ATRNL1: variants seen among roughly 807,000 people sequenced by gnomAD.
ATRNL1 encodes attractin-like protein 1.
In ATRNL1, 95 loss-of-function variants were observed where a neutral mutation model predicts 182.7. That is an observed-to-expected ratio of 0.52 (90% CI 0.44 to 0.62). The LOEUF (loss-of-function observed/expected upper bound fraction) is 0.62. Ranked by LOEUF, ATRNL1 falls within the 20% of genes least tolerant of loss-of-function variation. The probability of loss-of-function intolerance (pLI) is 0.00; values close to 1 mark genes in which losing one functional copy is unlikely to be tolerated. For synonymous variants in ATRNL1, 576 were observed against 568.3 expected (o/e 1.01, Z -0.19); for missense variants, 1,471 against 1,679.5 (o/e 0.88, Z 2.17).
At chr10:115,885,232 T>A (rs1565460708) in intron 28 of ATRNL1, among the ~76,000 whole-genome samples, 2 of 152,190 alleles carry the variant, frequency 1.3e-5, no homozygotes, top group Non-Finnish European at 2.9e-5. Context: ...CAGGTCTCAT[T>A]TGAAATTCCA....
At chr10:115,555,637 C>A (rs2784803) in intron 26 of ATRNL1, among the ~76,000 whole-genome samples, 44,270 of 151,670 alleles carry the variant, frequency 0.29, 7,645 homozygotes, top group East Asian at 0.68. Context: ...AAATAAAATC[C>A]CAGCCCTCAA....
At chr10:115,364,126 C>T (rs1376185599) in intron 19 of ATRNL1, among the ~76,000 whole-genome samples, 2 of 144,168 alleles carry the variant, frequency 1.4e-5, no homozygotes, top group Non-Finnish European at 3.1e-5. Flanking sequence ...GGCATTTTCA[C>T]GATATTGATT....
chr10:115,720,858 C>T (rs116719165), intron 26 of ATRNL1, among the ~76,000 whole-genome samples: 209 of 152,228 alleles, frequency 1.4e-3, no homozygotes, highest in African/African-American at 5.0e-3. Context: ...AGTAGTTTTG[C>T]TGGCTTTTAG....
At chr10:115,723,725 A>G (rs1422098661) in intron 26 of ATRNL1, among the ~76,000 whole-genome samples, 1 of 151,166 alleles carries the variant, frequency 6.6e-6, no homozygotes, top group Non-Finnish European at 1.5e-5. Flanking sequence ...ATTTATTTTT[A>G]TTTTTATTTT....
chr10:115,821,413 A>G (rs559152337), intron 27 of ATRNL1, among the ~76,000 whole-genome samples: 1 of 151,870 alleles, frequency 6.6e-6, no homozygotes, highest in East Asian at 1.9e-4. Flanking sequence ...TTTCCTTTCC[A>G]TTTTTAGTGC....
chr10:115,833,698 A>T (rs1462662046), intron 27 of ATRNL1, among the ~76,000 whole-genome samples: 1 of 152,182 alleles, frequency 6.6e-6, no homozygotes, highest in Non-Finnish European at 1.5e-5. Flanking sequence ...CAGATGAGGA[A>T]ATTGAGCACA....
At chr10:115,942,993 C>A (rs906510867) in intron 28 of ATRNL1, among the ~76,000 whole-genome samples, 1 of 152,150 alleles carries the variant, frequency 6.6e-6, no homozygotes, top group East Asian at 1.9e-4. Context: ...ATTGGACAAA[C>A]AATGTAACAA....
chr10:115,253,289 A>G (rs782718969), intron 10 of ATRNL1, among the ~76,000 whole-genome samples: 3 of 152,158 alleles, frequency 2.0e-5, no homozygotes, highest in Non-Finnish European at 2.9e-5. Flanking sequence ...TACTTCTCCA[A>G]TGTTGGGCTG....
chr10:115,140,591 T>C (rs186626685), intron 5 of ATRNL1, among the ~76,000 whole-genome samples: 1 of 152,168 alleles, frequency 6.6e-6, no homozygotes, highest in African/African-American at 2.4e-5. Context: ...TGTAAGAGAG[T>C]TGCTTAACTG....
intron 8 of ATRNL1, among the ~76,000 whole-genome samples, chr10:115,196,869 T>C (rs1411610548): frequency 6.6e-6 from 1 of 152,122 alleles, no homozygotes; most frequent in African/African-American, 2.4e-5. Context: ...TTACTCTTTC[T>C]TTTTCAGTGT....
intron 28 of ATRNL1, among the ~76,000 whole-genome samples, chr10:115,878,631 A>G (rs1555107769): frequency 6.6e-6 from 1 of 152,114 alleles, no homozygotes; most frequent in African/African-American, 2.4e-5. Context: ...CAAAACAAGG[A>G]CCTGGGGATC....
intron 3 of ATRNL1, among the ~76,000 whole-genome samples, chr10:115,126,469 A>G (rs1403931037): frequency 3.3e-5 from 5 of 152,168 alleles, no homozygotes; most frequent in Non-Finnish European, 5.9e-5. Flanking sequence ...ACAATGAACA[A>G]TATGTATGTA....
intron 24 of ATRNL1, among the ~76,000 whole-genome samples, chr10:115,501,055 C>T (rs1406941674): frequency 1.3e-5 from 2 of 151,138 alleles, no homozygotes; most frequent in African/African-American, 2.4e-5. Context: ...GCCTTAGCCT[C>T]CCAAGTAGCT....
intron 18 of ATRNL1, among the ~76,000 whole-genome samples, chr10:115,316,386 C>T (rs1554929713): frequency 6.6e-6 from 1 of 152,018 alleles, no homozygotes; most frequent in African/African-American, 2.4e-5. Context: ...GGTTCCATGA[C>T]TTTGCTATTG....
intron 10 of ATRNL1, among the ~76,000 whole-genome samples, chr10:115,249,303 T>C (rs1383351073): frequency 6.6e-6 from 1 of 152,106 alleles, no homozygotes; most frequent in Non-Finnish European, 1.5e-5. Context: ...CAAAAGATTT[T>C]TTAAAGTGTC....
chr10:115,425,430 T>C (rs1845841055), intron 20 of ATRNL1, among the ~76,000 whole-genome samples: 1 of 151,936 alleles, frequency 6.6e-6, no homozygotes, highest in South Asian at 2.1e-4. Flanking sequence ...ATAATTTATT[T>C]TGGAGGACGT....
intron 27 of ATRNL1, among the ~76,000 whole-genome samples, chr10:115,754,027 T>C (rs565953965): frequency 6.6e-6 from 1 of 151,540 alleles, no homozygotes; most frequent in African/African-American, 2.4e-5. Context: ...GGGGTTGTTT[T>C]CTTCTTGTAA....
intron 19 of ATRNL1, among the ~76,000 whole-genome samples, chr10:115,354,154 C>G (rs1856396359): frequency 1.3e-5 from 2 of 151,720 alleles, no homozygotes; most frequent in Non-Finnish European, 1.5e-5. Flanking sequence ...TTAGCTCATC[C>G]ACTATCATTA....
intron 25 of ATRNL1, among the ~76,000 whole-genome samples, chr10:115,543,003 TG>T (rs1486055075): frequency 2.6e-5 from 4 of 152,202 alleles, no homozygotes; most frequent in African/African-American, 9.6e-5. Context: ...CTAAAGGCCC[TG>T]TCTTCAAATA....
Sources: allele counts gnomAD v4.1 joint callset (sites outside exome capture counted in the v4.1 genomes callset), GRCh38; gene constraint gnomAD v4.1.1; transcripts MANE v1.5; gene names NCBI Gene and HGNC (gene_info 2026-07-23, HGNC 2026-07-21).